ALPK2: variants seen among roughly 807,000 people sequenced by gnomAD.
The protein encoded by ALPK2 is alpha kinase 2, also known as alpha-protein kinase 2.
A neutral mutation model predicts 163.1 loss-of-function variants in ALPK2; 127 were observed. The ratio of observed to expected loss-of-function variants is 0.78; its 90% CI spans 0.67 to 0.90. The LOEUF is 0.90. Ranked by LOEUF, ALPK2 falls within the 40% of genes least tolerant of loss-of-function variation. ALPK2 has a pLI of 0.00. For synonymous variants in ALPK2, 953 were observed against 959.1 expected, an observed-to-expected ratio of 0.99 and a Z score of 0.12; for missense variants, 2,360 against 2,589.6, an observed-to-expected ratio of 0.91 and a Z score of 1.92.
chr18:58,573,366 ATATATATATGTGTGTG>A (rs1207501803), intron 4 of ALPK2, among the ~76,000 whole-genome samples: 3 of 144,132 alleles, frequency 2.1e-5, no homozygotes, highest in African/African-American at 5.3e-5. Context: ...ATGTGTGTGT[ATATATATATGTGTGTG>A]TATATATATA....
In ALPK2 at chr18:58,529,211, G is replaced by A; in HGVS notation, c.5381C>T (p.Ala1794Val). 6.2e-7 allele frequency: 1 copy of A among 1,613,052 alleles called. No individual in the cohort carries two copies. The highest frequency in any genetic ancestry group is 2.2e-5 in the East Asian group (1 of 44,822). Residue 1794 changes from alanine to valine, a missense_variant, in exon 6 of 13, where the codon GCT becomes GTT. Physicochemically the swap from Ala to Val is moderately conservative, Grantham distance 64. Transcript: ENST00000361673. ...TCCAGAGTGTTCAGGGAACATCTCA[G>A]CTTGGATCTTTTTCAGTAATACTGG... is the stretch of plus-strand genomic sequence containing the variant. ...RAPVLLKKIQ[A>V]EMFPEHSGNV...
At chr18:58,508,511 TAAAG>T (rs2051472827) in intron 10 of ALPK2, among the ~76,000 whole-genome samples, 2 of 152,174 alleles carry the variant, frequency 1.3e-5, no homozygotes, top group Admixed American at 6.5e-5. Flanking sequence ...CAGCCTGAAA[TAAAG>T]AAGCCAACTA....
chr18:58,579,860 T>C lies in ALPK2; in HGVS notation c.916A>G (p.Ser306Gly). The change falls in exon 4 of 13, where the codon AGT (serine) becomes GGT (glycine). Residue 306 changes from serine (S) to glycine (G), a missense_variant. Physicochemically the swap from Ser to Gly is moderately conservative, Grantham distance 56. Transcript: ENST00000361673. ...SPQLSSEDSD[S>G]DYELCPEITL... ...ATCTCTGGGCAAAGTTCATAGTCACTGTCAGAGTCTTCACTGGAAAGCTGT... is the reference window on the plus strand; with the variant it reads ...ATCTCTGGGCAAAGTTCATAGTCACCGTCAGAGTCTTCACTGGAAAGCTGT... The C allele has an allele frequency of 6.2e-7, 1 of 1,614,228 alleles. No individual in the cohort carries two copies. The highest frequency in any genetic ancestry group is 8.5e-7 in the Non-Finnish European group (1 of 1,180,034).
At chr18:58,588,453 T>A (rs1256475595) in intron 3 of ALPK2, among the ~76,000 whole-genome samples, 1 of 152,246 alleles carries the variant, frequency 6.6e-6, no homozygotes, top group African/African-American at 2.4e-5. Flanking sequence ...ATGTGCAGGA[T>A]GTGCAGGTTT....
intron 12 of ALPK2, among the ~76,000 whole-genome samples, chr18:58,492,021 T>C (rs2051377475): frequency 2.0e-5 from 3 of 152,206 alleles, no homozygotes. Context: ...GGGCCTTCCG[T>C]ATTGACAAAC....
At chr18:58,534,736 A>T in intron 5 of ALPK2, 98 bp downstream of exon 5, 1 of 1,450,652 alleles carries the variant, frequency 6.9e-7, no homozygotes, top group Non-Finnish European at 9.2e-7. Context: ...CCTGGGGGAC[A>T]CTGGCCTTAA....
chr18:58,560,363 T>C (rs1188191861), intron 4 of ALPK2, among the ~76,000 whole-genome samples: 1 of 152,216 alleles, frequency 6.6e-6, no homozygotes, highest in Non-Finnish European at 1.5e-5. Context: ...TTTCTTCCCA[T>C]TCTTGGGTAT....
chr18:58,568,564 G>T (rs548087840), intron 4 of ALPK2, among the ~76,000 whole-genome samples: 87 of 152,280 alleles, frequency 5.7e-4, no homozygotes, highest in African/African-American at 1.9e-3. Flanking sequence ...AGGACCTCCG[G>T]GGTGGGGCTT....
intron 4 of ALPK2, among the ~76,000 whole-genome samples, chr18:58,577,040 G>A (rs765713807): frequency 1.2e-4 from 19 of 152,192 alleles, no homozygotes; most frequent in Non-Finnish European, 2.6e-4. Flanking sequence ...GGTGGAGTGG[G>A]TATATAGTGA....
At chr18:58,483,538 T>TTTATTTAC (rs2051322628) in intron 12 of ALPK2, among the ~76,000 whole-genome samples, 1 of 104,282 alleles carries the variant, frequency 9.6e-6, no homozygotes, top group South Asian at 2.9e-4. Flanking sequence ...ACTTTATTTA[T>TTTATTTAC]TTATTTATTT....
At chr18:58,502,921 C>T (rs767564612) in intron 11 of ALPK2, among the ~76,000 whole-genome samples, 5 of 152,250 alleles carry the variant, frequency 3.3e-5, no homozygotes, top group African/African-American at 7.2e-5. Context: ...GGCTCCCTCA[C>T]TGAGAAGTGT....
chr18:58,551,298 G>T (rs1490586204), intron 4 of ALPK2, among the ~76,000 whole-genome samples: 1 of 152,104 alleles, frequency 6.6e-6, no homozygotes, highest in Non-Finnish European at 1.5e-5. Flanking sequence ...TCCTCTGGAG[G>T]TCCTCCCTTG....
chr18:58,582,627 A>G (rs1469772020), intron 3 of ALPK2, among the ~76,000 whole-genome samples: 5 of 152,066 alleles, frequency 3.3e-5, no homozygotes, highest in African/African-American at 1.2e-4. Flanking sequence ...ATGAGTGACC[A>G]TGGCTGGGGC....
chr18:58,506,739 T>C (rs1326715695), intron 10 of ALPK2, among the ~76,000 whole-genome samples: 1 of 152,208 alleles, frequency 6.6e-6, no homozygotes, highest in East Asian at 1.9e-4. Context: ...TATATGTATG[T>C]ATAATATTTA....
intron 2 of ALPK2, among the ~76,000 whole-genome samples, chr18:58,611,476 G>A (rs2052130895): frequency 6.6e-6 from 1 of 152,106 alleles, no homozygotes; most frequent in South Asian, 2.1e-4. Flanking sequence ...ACCACAAGGT[G>A]AAGTAAAGAT....
chr18:58,522,847 C>A (rs529188075), intron 8 of ALPK2, among the ~76,000 whole-genome samples: 8 of 152,050 alleles, frequency 5.3e-5, no homozygotes, highest in African/African-American at 1.2e-4. Context: ...AATGAACTTA[C>A]AATAGGAAGT....
Position 58,579,896 on chromosome 18 carries a change from G to T in ALPK2, c.880C>A (p.Gln294Lys). ...TCACTGGAAAGCTGTGGGCTGGGTT[G>T]TTTGTTGGCCACGGCACTGTCACCT... ...YPGDSAVANK[Q>K]PSPQLSSEDS... Residue 294 changes from glutamine to lysine, a missense_variant, in exon 4 of 13, where the codon CAA (glutamine) becomes AAA (lysine). By Grantham distance (53) the Gln-to-Lys change is moderately conservative (BLOSUM62 1). Coordinates refer to ENST00000361673, the MANE Select transcript of ALPK2 (RefSeq NM_052947.4). 1 of 1,614,202 alleles carries T rather than the reference G, an allele frequency of 6.2e-7. No homozygotes were observed. The highest frequency in any genetic ancestry group is 8.5e-7 in the Non-Finnish European group (1 of 1,180,034).
intron 10 of ALPK2, among the ~76,000 whole-genome samples, chr18:58,512,744 G>GTGTATTGTCTGTGGTGTGTGTGTT (rs2051497392): frequency 1.5e-5 from 1 of 66,116 alleles, no homozygotes; most frequent in South Asian, 1.0e-3. Flanking sequence ...TGTGTTATGT[G>GTGTATTGTCTGTGGTGTGTGTGTT]GTGTGTGTTG....
intron 9 of ALPK2, among the ~76,000 whole-genome samples, chr18:58,516,059 A>C (rs181559832): frequency 4.6e-5 from 7 of 151,904 alleles, no homozygotes; most frequent in Admixed American, 3.9e-4. Context: ...CTCTGAAAAA[A>C]AAAATAAAAA....
Sources: gnomAD v4.1 joint callset for allele counts (sites outside exome capture counted in the v4.1 genomes callset) on GRCh38, gnomAD v4.1.1 for gene constraint, MANE v1.5 for transcripts, NCBI Gene and HGNC (gene_info 2026-07-23, HGNC 2026-07-21) for gene names.